ASAP1: variants seen among roughly 807,000 people sequenced by gnomAD.
ASAP1 encodes ArfGAP with SH3 domain, ankyrin repeat and PH domain 1.
A neutral mutation model predicts 145.2 loss-of-function variants in ASAP1; 43 were observed. The ratio of observed to expected loss-of-function variants is 0.30; its 90% CI spans 0.23 to 0.38. The LOEUF (loss-of-function observed/expected upper bound fraction) is 0.38, where lower values mean the gene tolerates loss of function less well. Among genes scored for constraint, ASAP1 ranks in the 10% least tolerant of loss-of-function variants. The pLI, the probability that ASAP1 is intolerant of heterozygous loss-of-function variation, is 1.00. For synonymous variants in ASAP1, 546 were observed against 515.5 expected (o/e 1.06, Z -0.80); for missense variants, 1,018 against 1,355.3 (o/e 0.75, Z 3.91).
At chr8:130,297,407 A>G (rs2137375896) in intron 3 of ASAP1, among the ~76,000 whole-genome samples, 1 of 152,334 alleles carries the variant, frequency 6.6e-6, no homozygotes. Flanking sequence ...ATATAAGTGG[A>G]CCAGCACAGT....
At chr8:130,133,428 G>T (rs574202511) in intron 15 of ASAP1, among the ~76,000 whole-genome samples, 1 of 151,240 alleles carries the variant, frequency 6.6e-6, no homozygotes, top group Non-Finnish European at 1.5e-5. Flanking sequence ...AGGCCGAGGC[G>T]GGTGGATCAT....
chr8:130,235,815 G>A (rs574022177), intron 4 of ASAP1, among the ~76,000 whole-genome samples: 1 of 152,156 alleles, frequency 6.6e-6, no homozygotes, highest in South Asian at 2.1e-4. Context: ...CTGATGAGAC[G>A]GGAAGGCCAT....
At chr8:130,279,645 TA>T (rs1474897032) in intron 3 of ASAP1, among the ~76,000 whole-genome samples, 1 of 152,128 alleles carries the variant, frequency 6.6e-6, no homozygotes, top group African/African-American at 2.4e-5. Flanking sequence ...ATAAAACAAA[TA>T]GACTTGACTA....
chr8:130,292,558 C>T (rs1822010758), intron 3 of ASAP1, among the ~76,000 whole-genome samples: 1 of 152,202 alleles, frequency 6.6e-6, no homozygotes, highest in Non-Finnish European at 1.5e-5. Context: ...AACCACGAAA[C>T]TTTCCAAGTT....
chr8:130,325,667 G>C (rs1003717666), intron 3 of ASAP1, among the ~76,000 whole-genome samples: 3 of 152,188 alleles, frequency 2.0e-5, no homozygotes, highest in African/African-American at 7.2e-5. Flanking sequence ...ACCATACATA[G>C]AACAGAATGA....
At chr8:130,133,342 C>T (rs1311144415) in intron 15 of ASAP1, among the ~76,000 whole-genome samples, 3 of 152,194 alleles carry the variant, frequency 2.0e-5, no homozygotes, top group Non-Finnish European at 4.4e-5. Context: ...AGGTTGCATA[C>T]CTGGTCAGGT....
At chr8:130,112,393 G>A in intron 23 of ASAP1, 71 bp from the exon 24 acceptor site, 1 of 1,385,228 alleles carries the variant, frequency 7.2e-7, no homozygotes, top group Non-Finnish European at 9.9e-7. Flanking sequence ...GGCCTCCGCA[G>A]GGCGGGCTCA....
intron 25 of ASAP1, among the ~76,000 whole-genome samples, chr8:130,087,225 C>A (rs1386634743): frequency 6.6e-6 from 1 of 152,122 alleles, no homozygotes; most frequent in Non-Finnish European, 1.5e-5. Context: ...ATAGGCTTCA[C>A]ACTTGACAGG....
rs1267706984 is a variant in ASAP1 at position 130,358,908 on chromosome 8, A to C, written c.60-765T>G. Among the ~76,000 whole-genome samples the C allele has an allele frequency of 6.6e-6, 1 of 152,020 alleles. No individual in the cohort carries two copies. The highest frequency in any genetic ancestry group is 2.4e-5 in the African/African-American group (1 of 41,408). On this transcript the variant is annotated intron_variant, in intron 2 of 29. Coordinates refer to ENST00000518721, the MANE Select transcript of ASAP1 (RefSeq NM_018482.4). This position sits in a 1 kb window ranked among gnomAD's most constrained non-coding sequence, Gnocchi z 4.1. Reference sequence around the variant, plus strand: ...CTCGTTGCGCGAGCGTTTTGCAAGAAGGGGGCCCAAAAAAGTTGTACGTGT... The same window carrying C: ...CTCGTTGCGCGAGCGTTTTGCAAGACGGGGGCCCAAAAAAGTTGTACGTGT...
intron 3 of ASAP1, among the ~76,000 whole-genome samples, chr8:130,326,474 A>G (rs1217056651): frequency 1.3e-5 from 2 of 152,226 alleles, no homozygotes; most frequent in African/African-American, 4.8e-5. Flanking sequence ...TACAGGTTTC[A>G]ATACACACCA....
intron 13 of ASAP1, among the ~76,000 whole-genome samples, chr8:130,142,822 G>A (rs1353729587): frequency 2.0e-5 from 3 of 152,116 alleles, no homozygotes; most frequent in Non-Finnish European, 4.4e-5. Context: ...CCATGACTCT[G>A]GCAATCTACT....
intron 24 of ASAP1, among the ~76,000 whole-genome samples, chr8:130,103,565 G>A (rs2097532343): frequency 6.6e-6 from 1 of 152,022 alleles, no homozygotes; most frequent in African/African-American, 2.4e-5. Flanking sequence ...GTGCAGTGAC[G>A]CGATCTCGGC....
At chr8:130,161,336 AG>A (rs898019925) in intron 11 of ASAP1, among the ~76,000 whole-genome samples, 1 of 152,242 alleles carries the variant, frequency 6.6e-6, no homozygotes, top group Non-Finnish European at 1.5e-5. Context: ...CTTTAACGCC[AG>A]GATGGCTTCT....
intron 3 of ASAP1, among the ~76,000 whole-genome samples, chr8:130,286,762 A>G (rs1215557705): frequency 6.6e-6 from 1 of 152,220 alleles, no homozygotes; most frequent in Non-Finnish European, 1.5e-5. Context: ...GAGCTTTAAA[A>G]AGTGTGCAAC....
intron 2 of ASAP1, among the ~76,000 whole-genome samples, chr8:130,365,810 CTGAA>C (rs1028706862): frequency 1.3e-5 from 2 of 152,122 alleles, no homozygotes; most frequent in African/African-American, 2.4e-5. Context: ...AGAAGGAAGA[CTGAA>C]TGAATGAATG....
At position 130,159,974 on chromosome 8, in the gene ASAP1, A is replaced by G; in HGVS notation, c.910-10T>C. On this transcript the variant is annotated splice_polypyrimidine_tract_variant and intron_variant, in intron 11 of 29. Coordinates refer to ENST00000518721, the MANE Select transcript of ASAP1 (RefSeq NM_018482.4). ...GCCGGCTCTGAGAATCCTAGGAAAG[A>G]AAAACTACAGATTAAACAAAAACTA... is the stretch of plus-strand genomic sequence containing the variant. 1 of 1,609,226 alleles carries G rather than the reference A, an allele frequency of 6.2e-7. No homozygotes were observed. Among genetic ancestry groups the G allele is most frequent in the Non-Finnish European group, 8.5e-7 (1 of 1,175,726 alleles).
At chr8:130,103,499 TTTTTA>T (rs1322252940) in intron 24 of ASAP1, among the ~76,000 whole-genome samples, 1 of 150,912 alleles carries the variant, frequency 6.6e-6, no homozygotes, top group Non-Finnish European at 1.5e-5. Context: ...TTATTTGACA[TTTTTA>T]TTTTTTTATT....
chr8:130,424,392 A>C (rs950201136), intron 1 of ASAP1, among the ~76,000 whole-genome samples: 4 of 152,208 alleles, frequency 2.6e-5, no homozygotes, highest in Non-Finnish European at 5.9e-5. Flanking sequence ...CATGTAGACA[A>C]GCCTCGGAGA....
intron 3 of ASAP1, among the ~76,000 whole-genome samples, chr8:130,333,914 G>A (rs1238034271): frequency 1.3e-5 from 2 of 152,182 alleles, no homozygotes; most frequent in Admixed American, 6.5e-5. Flanking sequence ...GAAGCCTCAT[G>A]GGTGTTGGGC....
Sources: allele counts gnomAD v4.1 joint callset (sites outside exome capture counted in the v4.1 genomes callset), GRCh38; gene constraint gnomAD v4.1.1; non-coding constraint Gnocchi (gnomAD v3.1); transcripts MANE v1.5; gene names NCBI Gene and HGNC (gene_info 2026-07-23, HGNC 2026-07-21).